PLEKHG1: variants seen among roughly 807,000 people sequenced by gnomAD.
The protein encoded by PLEKHG1 is pleckstrin homology domain-containing family G member 1.
PLEKHG1 carries 44 observed loss-of-function variants against 100.8 expected under a neutral mutation model. The ratio of observed to expected loss-of-function variants is 0.44; its 90% confidence interval spans 0.34 to 0.56. The LOEUF (loss-of-function observed/expected upper bound fraction) is 0.56. Ranked by LOEUF, PLEKHG1 falls within the 20% of genes least tolerant of loss-of-function variation. The pLI, the probability that PLEKHG1 is intolerant of heterozygous loss-of-function variation, is 0.01. For synonymous variants in PLEKHG1, 640 were observed against 662.5 expected, an observed-to-expected ratio of 0.97 and a Z score of 0.52; for missense variants, 1,545 against 1,720.9, an observed-to-expected ratio of 0.90 and a Z score of 1.81.
At chr6:150,840,594 G>A in exon 16 of PLEKHG1, 1 of 1,614,202 alleles carries the variant, frequency 6.2e-7, no homozygotes, top group Non-Finnish European at 8.5e-7. Context: ...AATCAAGTCA[G>A]AAGAAGATGA....
intron 3 of PLEKHG1, among the ~76,000 whole-genome samples, chr6:150,785,649 A>G (rs942287838): frequency 6.6e-6 from 1 of 152,082 alleles, no homozygotes; most frequent in African/African-American, 2.4e-5. Flanking sequence ...GTGATTTTTC[A>G]TTGAATGCTT....
intron 2 of PLEKHG1, among the ~76,000 whole-genome samples, chr6:150,758,338 T>A (rs1286062549): frequency 1.6e-5 from 1 of 62,054 alleles, no homozygotes; most frequent in Non-Finnish European, 2.6e-5. Flanking sequence ...TTTCTTGACT[T>A]TTTTTTTTTT....
intron 10 of PLEKHG1, among the ~76,000 whole-genome samples, chr6:150,817,171 T>C (rs957301970): frequency 2.6e-5 from 4 of 152,180 alleles, no homozygotes; most frequent in African/African-American, 7.2e-5. Flanking sequence ...AGCTGATCAT[T>C]GAATCCTAAT....
At chr6:150,756,249 A>G (rs1207057992) in intron 2 of PLEKHG1, among the ~76,000 whole-genome samples, 1 of 151,910 alleles carries the variant, frequency 6.6e-6, no homozygotes, top group East Asian at 1.9e-4. Context: ...CCTTGCAGAC[A>G]CCCTCCAGCT....
chr6:150,622,688 A>T (rs913250461), intron 1 of PLEKHG1, among the ~76,000 whole-genome samples: 2 of 152,220 alleles, frequency 1.3e-5, no homozygotes, highest in African/African-American at 4.8e-5. Flanking sequence ...TTCAAGGACA[A>T]GTTACTTCTA....
chr6:150,789,869 A>G (rs1785864172), intron 4 of PLEKHG1, among the ~76,000 whole-genome samples: 1 of 152,148 alleles, frequency 6.6e-6, no homozygotes, highest in African/African-American at 2.4e-5. Flanking sequence ...TCAAGAACCA[A>G]TAAGTGAACT....
chr6:150,705,189 T>C (rs1411823708), intron 3 of PLEKHG1, among the ~76,000 whole-genome samples: 1 of 152,230 alleles, frequency 6.6e-6, no homozygotes, highest in African/African-American at 2.4e-5. Context: ...AATACCATTA[T>C]GATAATTGAT....
In PLEKHG1 at chr6:150,765,290, T is replaced by G. The variant is rs568372047; in HGVS notation, c.412-3348T>G. Among the ~76,000 whole-genome samples the G allele has an allele frequency of 2.6e-5, 4 of 152,094 alleles. No individual in the cohort carries two copies. In the South Asian group the frequency reaches 8.3e-4, roughly 32 times the overall value. ...AGTGGATCACCTGAGGTCAGGAGTT[T>G]GAGACCAGCCTAGCCAACATGGTGA... On this transcript the variant is annotated intron_variant, in intron 2 of 15. Coordinates refer to ENST00000358517, the Ensembl canonical transcript of PLEKHG1.
rs1776892729 is a variant in PLEKHG1 at position 150,831,018 on chromosome 6, A to G, written c.1907A>G (p.Lys636Arg). ...ACTAGGGAACTGCAGAACAGCCCCA[A>G]AACAGAAGGGCAGGAGGAGATGACT... The change falls in exon 15 of 16, where the codon AAA (lysine) becomes AGA (arginine). Residue 636 changes from lysine to arginine, a missense_variant. Coordinates refer to ENST00000358517, the Ensembl canonical transcript of PLEKHG1. This position sits in a 1 kb window ranked among gnomAD's most constrained non-coding sequence, Gnocchi z 4.1. 6.2e-7 allele frequency: 1 copy of G among 1,613,944 alleles called. No homozygotes were observed. The highest frequency in any genetic ancestry group is 1.3e-5 in the African/African-American group (1 of 74,904).
intron 3 of PLEKHG1, among the ~76,000 whole-genome samples, chr6:150,694,303 T>G (rs1009658626): frequency 6.6e-6 from 1 of 152,220 alleles, no homozygotes; most frequent in African/African-American, 2.4e-5. Context: ...GAAAATTATT[T>G]CATCTCTCAG....
intron 4 of PLEKHG1, among the ~76,000 whole-genome samples, chr6:150,793,843 A>G (rs1786146312): frequency 6.6e-6 from 1 of 152,166 alleles, no homozygotes; most frequent in South Asian, 2.1e-4. Context: ...GCACTTTGGG[A>G]TGCCAAGGTG....
intron 10 of PLEKHG1, among the ~76,000 whole-genome samples, chr6:150,813,616 G>A (rs534906497): frequency 2.0e-4 from 31 of 152,186 alleles, no homozygotes; most frequent in Non-Finnish European, 3.5e-4. Context: ...CGACAGAGGC[G>A]TGGGGTGAGG....
chr6:150,622,336 A>AT (rs1036450077), intron 1 of PLEKHG1, among the ~76,000 whole-genome samples: 8 of 151,920 alleles, frequency 5.3e-5, no homozygotes, highest in Admixed American at 2.0e-4. Flanking sequence ...CCCAGCCTTA[A>AT]TTTTTTTTTA....
chr6:150,705,867 A>G (rs1666496771), intron 3 of PLEKHG1, among the ~76,000 whole-genome samples: 1 of 152,158 alleles, frequency 6.6e-6, no homozygotes, highest in South Asian at 2.1e-4. Flanking sequence ...AAACACTGGG[A>G]TGGCATGCAG....
intron 3 of PLEKHG1, among the ~76,000 whole-genome samples, chr6:150,780,988 C>T (rs1785279551): frequency 6.6e-6 from 1 of 151,758 alleles, no homozygotes; most frequent in Non-Finnish European, 1.5e-5. Context: ...ATTCTCCTGC[C>T]TCAGCCTCCT....
At chr6:150,779,355 T>TTTTTTTG (rs1562511491) in intron 3 of PLEKHG1, among the ~76,000 whole-genome samples, 2 of 146,944 alleles carry the variant, frequency 1.4e-5, no homozygotes, top group African/African-American at 2.6e-5. Context: ...TTTTTTTTTT[T>TTTTTTTG]TTTTTTTTGA....
intron 2 of PLEKHG1, among the ~76,000 whole-genome samples, chr6:150,763,582 G>A (rs1025556231): frequency 5.4e-4 from 82 of 152,244 alleles, no homozygotes; most frequent in African/African-American, 1.9e-3. Context: ...CAGTCCAGGG[G>A]GTACCAAACC....
chr6:150,831,372 G>C lies in PLEKHG1; in HGVS notation c.2261G>C (p.Gly754Ala). Residue 754 changes from glycine (G) to alanine (A), a missense_variant, in exon 15 of 16, where the codon GGT becomes GCT. Gly to Ala is a moderately conservative substitution (Grantham distance 60). Coordinates refer to ENST00000358517, the Ensembl canonical transcript of PLEKHG1. The surrounding 1 kb of genome is among the most constrained non-coding windows in gnomAD (Gnocchi z 4.1). ...GGGCTCCCAGATCCTCCGTCGCTGG[G>C]TTTTAAGTGCAGCAGCCTAAAGCGT... The C allele has an allele frequency of 6.2e-7, 1 of 1,614,116 alleles. No individual in the cohort carries two copies. Among genetic ancestry groups the C allele is most frequent in the Non-Finnish European group, 8.5e-7 (1 of 1,180,030 alleles).
At chr6:150,621,247 C>CA (rs1466248612) in intron 1 of PLEKHG1, among the ~76,000 whole-genome samples, 1 of 152,160 alleles carries the variant, frequency 6.6e-6, no homozygotes, top group Non-Finnish European at 1.5e-5. Context: ...TCCAGAGTGT[C>CA]AGACTCTGGG....
Sources: allele counts gnomAD v4.1 joint callset (sites outside exome capture counted in the v4.1 genomes callset), GRCh38; gene constraint gnomAD v4.1.1; non-coding constraint Gnocchi (gnomAD v3.1); transcripts MANE v1.5; gene names NCBI Gene and HGNC (gene_info 2026-07-23, HGNC 2026-07-21).